The following CSMD1 variants were observed in gnomAD, a reference collection of about 807,000 sequenced individuals.
The protein encoded by CSMD1 is CUB and Sushi multiple domains 1.
CSMD1 carries 213 observed loss-of-function variants against 417.5 expected under a neutral mutation model. That is an observed-to-expected ratio of 0.51 (90% CI 0.46 to 0.57). The LOEUF is 0.57. CSMD1 is among the 20% of genes least tolerant of loss of function. The probability of loss-of-function intolerance (pLI) is 0.00; values close to 1 mark genes in which losing one functional copy is unlikely to be tolerated. For missense variants in CSMD1, 6,923 were observed against 4,529.7 expected, an observed-to-expected ratio of 1.53 and a Z score of -15.17; for synonymous variants, 2,862 against 1,736.8, an observed-to-expected ratio of 1.65 and a Z score of -16.11.
intron 5 of CSMD1, among the ~76,000 whole-genome samples, chr8:3,920,113 A>G (rs1809126976): frequency 6.6e-6 from 1 of 152,010 alleles, no homozygotes; most frequent in South Asian, 2.1e-4. Context: ...AGCTCACTGA[A>G]GTCATGACTT....
chr8:4,180,738 C>G (rs1207153111), intron 3 of CSMD1, among the ~76,000 whole-genome samples: 1 of 152,078 alleles, frequency 6.6e-6, no homozygotes, highest in Non-Finnish European at 1.5e-5. Flanking sequence ...AAACATGGCA[C>G]TAACTGTTAG....
chr8:3,619,035 G>T (rs1019638536), intron 7 of CSMD1, among the ~76,000 whole-genome samples: 2 of 152,174 alleles, frequency 1.3e-5, no homozygotes, highest in Admixed American at 1.3e-4. Flanking sequence ...AAGCACTGCT[G>T]TATAGAAAAC....
intron 2 of CSMD1, among the ~76,000 whole-genome samples, chr8:4,622,383 G>A (rs988710101): frequency 1.3e-5 from 2 of 152,102 alleles, no homozygotes; most frequent in Non-Finnish European, 2.9e-5. Flanking sequence ...GCCAGCTAAT[G>A]TCTGTGGGAC....
rs376528516 is a variant in CSMD1 at position 3,913,675 on chromosome 8, T to A, written c.818+84228A>T. 9.2e-5 allele frequency among the ~76,000 whole-genome samples: 14 copies of A among 152,106 alleles called. No individual in the cohort carries two copies. In the East Asian group the frequency reaches 2.3e-3, roughly 25 times the overall value. ...CATTTGGGTCAGGGCCATCGAAATA[T>A]CAAGGATGCAAACTTTCAGGAAGTT... On this transcript the variant is annotated intron_variant, in intron 5 of 69. Transcript: ENST00000635120.
chr8:4,717,432 A>G, intron 1 of CSMD1, among the ~76,000 whole-genome samples: 1 of 150,942 alleles, frequency 6.6e-6, no homozygotes, highest in African/African-American at 2.5e-5. Flanking sequence ...ATATATACAC[A>G]TACACTATAT....
chr8:3,209,528 C>G (rs939875413), intron 30 of CSMD1, among the ~76,000 whole-genome samples: 27 of 152,026 alleles, frequency 1.8e-4, no homozygotes, highest in Middle Eastern at 3.4e-3. Context: ...ACCATGTTAG[C>G]CAGGATGTTA....
chr8:3,448,413 AGGAAG>A (rs1815467762), intron 12 of CSMD1, among the ~76,000 whole-genome samples: 1 of 121,258 alleles, frequency 8.2e-6, no homozygotes, highest in African/African-American at 3.2e-5. Context: ...GAAGGAAGGA[AGGAAG>A]GGAAGGAAGA....
In CSMD1 at chr8:4,207,141, A is replaced by G. The variant is rs141141794; in HGVS notation, c.416-175042T>C. On this transcript the variant is annotated intron_variant, in intron 3 of 69. Coordinates refer to ENST00000635120, the MANE Select transcript of CSMD1 (RefSeq NM_033225.6). ...GTCTTAAAAATAGGACAGTTGGTAAAAATAGGATAATTTATAGGTATAGTA... is the reference window on the plus strand; with the variant it reads ...GTCTTAAAAATAGGACAGTTGGTAAGAATAGGATAATTTATAGGTATAGTA... Among the ~76,000 whole-genome samples, 199 of 152,278 alleles carry G rather than the reference A, an allele frequency of 1.3e-3. 2 individuals carry two copies. The highest frequency in any genetic ancestry group is 4.5e-3 in the African/African-American group (186 of 41,562).
chr8:3,563,910 C>G lies in CSMD1; in HGVS notation c.1344+11035G>C, dbSNP rs1200726880. Reference sequence around the variant, plus strand: ...TCTCAAAAAAACAAAAACAGACAAACACACCAACATATTTTTAAACCTATT... The same window carrying G: ...TCTCAAAAAAACAAAAACAGACAAAGACACCAACATATTTTTAAACCTATT... On this transcript the variant is annotated intron_variant, in intron 10 of 69. Coordinates refer to ENST00000635120, the MANE Select transcript of CSMD1 (RefSeq NM_033225.6). Among the ~76,000 whole-genome samples, 4 of 152,200 alleles carry G rather than the reference C, an allele frequency of 2.6e-5. No homozygotes were observed. The South Asian group carries it at 8.3e-4, about 32-fold the overall frequency.
chr8:3,456,318 C>CTGTACCCACTGTCT (rs57728900), intron 12 of CSMD1, among the ~76,000 whole-genome samples: 2 of 151,526 alleles, frequency 1.3e-5, no homozygotes, highest in African/African-American at 2.4e-5. Flanking sequence ...ACCCACTGTC[C>CTGTACCCACTGTCT]GACACTCCCC....
intron 3 of CSMD1, among the ~76,000 whole-genome samples, chr8:4,406,506 C>T (rs1324607643): frequency 6.6e-6 from 1 of 152,144 alleles, no homozygotes; most frequent in Admixed American, 6.5e-5. Context: ...AGGAATTTGA[C>T]TAGTTGATAT....
rs190266187 is a variant in CSMD1 at position 4,299,660 on chromosome 8, A to C, written c.415+120293T>G. Among the ~76,000 whole-genome samples the C allele has an allele frequency of 1.2e-4, 18 of 152,070 alleles. No homozygotes were observed. The East Asian group carries it at 3.5e-3, about 29-fold the overall frequency. ...TCTTTCTTTTCTTTCTTTGAGATGGAGTCTCATTCTGTCGCCAGGCTGGAT... is the reference window on the plus strand; with the variant it reads ...TCTTTCTTTTCTTTCTTTGAGATGGCGTCTCATTCTGTCGCCAGGCTGGAT... On this transcript the variant is annotated intron_variant, in intron 3 of 69. Transcript: ENST00000635120.
chr8:4,949,617 A>G (rs943734365), intron 1 of CSMD1, among the ~76,000 whole-genome samples: 1 of 152,148 alleles, frequency 6.6e-6, no homozygotes, highest in Non-Finnish European at 1.5e-5. Flanking sequence ...TTGCCCTTCC[A>G]CATCCCCAAC....
At chr8:3,732,148 G>C (rs866628833) in intron 6 of CSMD1, among the ~76,000 whole-genome samples, 4 of 152,332 alleles carry the variant, frequency 2.6e-5, no homozygotes, top group Non-Finnish European at 2.9e-5. Context: ...CCACGGGCAA[G>C]CCCTGAGTTC....
chr8:3,826,387 C>T (rs1208134141), intron 5 of CSMD1, among the ~76,000 whole-genome samples: 2 of 152,110 alleles, frequency 1.3e-5, no homozygotes, highest in African/African-American at 4.8e-5. Context: ...GGAGAGTTCC[C>T]AAGACAACTG....
At chr8:3,684,363 T>C (rs1488682585) in intron 7 of CSMD1, among the ~76,000 whole-genome samples, 1 of 147,156 alleles carries the variant, frequency 6.8e-6, no homozygotes, top group African/African-American at 2.5e-5. Flanking sequence ...GCATGTTGTA[T>C]ATTACATAAT....
rs543581736 is a variant in CSMD1 at position 3,541,999 on chromosome 8, G to C, written c.1344+32946C>G. ...CCACTGCTCTCCAGTCTCGGCAACA[G>C]GGACTCCATTTCGAAAAAAAGGAAA... On this transcript the variant is annotated intron_variant, in intron 10 of 69. Coordinates refer to ENST00000635120, the MANE Select transcript of CSMD1 (RefSeq NM_033225.6). Among the ~76,000 whole-genome samples, 4 of 151,840 alleles carry C rather than the reference G, an allele frequency of 2.6e-5. No homozygotes were observed. The East Asian group carries it at 5.8e-4, about 22-fold the overall frequency.
intron 2 of CSMD1, among the ~76,000 whole-genome samples, chr8:4,635,804 G>C (rs990259449): frequency 6.6e-5 from 10 of 152,018 alleles, no homozygotes; most frequent in African/African-American, 2.4e-4. Flanking sequence ...TAGATACTTT[G>C]TTCAAATACT....
intron 1 of CSMD1, among the ~76,000 whole-genome samples, chr8:4,694,530 T>TG (rs367769652): frequency 2.2e-4 from 33 of 151,636 alleles, no homozygotes; most frequent in Admixed American, 3.9e-4. Context: ...TAATTTTTTT[T>TG]GGGGGGGTAT....
Sources: gnomAD v4.1 joint callset for allele counts (sites outside exome capture counted in the v4.1 genomes callset) on GRCh38, gnomAD v4.1.1 for gene constraint, MANE v1.5 for transcripts, NCBI Gene and HGNC (gene_info 2026-07-23, HGNC 2026-07-21) for gene names.